Variants in KIF26B observed in about 807,000 individuals in gnomAD.
KIF26B encodes the protein kinesin-like protein KIF26B.
A neutral mutation model predicts 151.2 loss-of-function variants in KIF26B; 63 were observed. The ratio of observed to expected loss-of-function variants is 0.42; its 90% CI spans 0.34 to 0.51. The LOEUF (loss-of-function observed/expected upper bound fraction) is 0.51. Among genes scored for constraint, KIF26B ranks in the 20% least tolerant of loss-of-function variants. KIF26B has a pLI of 0.07. For synonymous variants in KIF26B, 1,357 were observed against 1,262.1 expected (o/e 1.08, Z -1.59); for missense variants, 2,813 against 2,913.6 (o/e 0.97, Z 0.79).
chr1:245,693,695 A>C (rs1334887487), intron 12 of KIF26B, among the ~76,000 whole-genome samples: 1 of 152,178 alleles, frequency 6.6e-6, no homozygotes, highest in African/African-American at 2.4e-5. Flanking sequence ...AGGGCGCTGC[A>C]CAAAAACTTG....
At chr1:245,482,589 C>T (rs1660191099) in intron 4 of KIF26B, among the ~76,000 whole-genome samples, 1 of 151,730 alleles carries the variant, frequency 6.6e-6, no homozygotes, top group Non-Finnish European at 1.5e-5. Flanking sequence ...TGATATGTTC[C>T]ATCTGCCTGA....
chr1:245,520,591 TCCATCCATCCAC>T lies in KIF26B; in HGVS notation c.1167-20172_1167-20161del, dbSNP rs1395511932. Reference sequence around the variant, plus strand: ...ATTCATCCATCCATCCATCCATCCATCCATCCATCCACCCACCCACCCATCCATCCATCCATC... The same window carrying T: ...ATTCATCCATCCATCCATCCATCCATCCACCCACCCATCCATCCATCCATC... On this transcript the variant is annotated intron_variant, in intron 4 of 14. Transcript: ENST00000407071. 7.3e-3 allele frequency among the ~76,000 whole-genome samples: 526 copies of T among 72,058 alleles called. 3 individuals carry two copies. The highest frequency in any genetic ancestry group is 0.015 in the African/African-American group (409 of 27,576). 47.3% of individuals were successfully genotyped at this position (72,058 alleles called of 152,430 possible). A position where few individuals can be genotyped will look rare whatever the true frequency, so the allele number is the denominator to read the frequency against.
rs116545465 is a variant in KIF26B, at chr1:245,417,112, G to A, written c.1000-2467G>A. Among the ~76,000 whole-genome samples, 712 of 151,324 alleles carry A rather than the reference G, an allele frequency of 4.7e-3. 6 individuals carry two copies. The highest frequency in any genetic ancestry group is 0.016 in the African/African-American group (678 of 41,344). On this transcript the variant is annotated intron_variant, in intron 3 of 14. Coordinates refer to ENST00000407071, the MANE Select transcript of KIF26B (RefSeq NM_018012.4). ...ATGACACTGGCTGTGTCTGAAAAAT[G>A]GAGCAGGAAAGGCAGCGTGACTAGG...
At chr1:245,675,235 G>A (rs149926560) in intron 10 of KIF26B, among the ~76,000 whole-genome samples, 4 of 152,298 alleles carry the variant, frequency 2.6e-5, no homozygotes, top group African/African-American at 4.8e-5. Flanking sequence ...GCTCACCTGA[G>A]CCTTGTATCC....
rs543685547 is a variant in KIF26B, at chr1:245,532,291, G to C, written c.1167-8476G>C. Among the ~76,000 whole-genome samples the C allele has an allele frequency of 1.6e-3, 232 of 144,152 alleles. 1 individual carries two copies. Among genetic ancestry groups the C allele is most frequent in the Non-Finnish European group, 3.0e-3 (202 of 66,544 alleles). The allele number at this position is 144,152 out of a possible 152,430, so 94.6% of individuals were successfully genotyped here. On this transcript the variant is annotated intron_variant, in intron 4 of 14. Transcript: ENST00000407071. The stretch of plus-strand genomic sequence containing the variant: ...GACAGAGTCTTGCTCTGTCGCCCAG[G>C]CTGGAGTGCAGTGGCGCGATCTCGG...
At chr1:245,519,153 G>A (rs928137156) in intron 4 of KIF26B, among the ~76,000 whole-genome samples, 38 of 152,172 alleles carry the variant, frequency 2.5e-4, no homozygotes, top group African/African-American at 8.7e-4. Flanking sequence ...GGATGACTGT[G>A]TCCTGTAATA....
chr1:245,234,170 C>G (rs145993864), intron 2 of KIF26B, among the ~76,000 whole-genome samples: 1 of 150,954 alleles, frequency 6.6e-6, no homozygotes, highest in African/African-American at 2.4e-5. Flanking sequence ...GCCTTTAGAA[C>G]GAGACTCCCT....
At chr1:245,443,203 T>TGTCATCTCCCTCACTGTTCACCTACAGCG (rs1558167665) in intron 4 of KIF26B, among the ~76,000 whole-genome samples, 1 of 137,872 alleles carries the variant, frequency 7.3e-6, no homozygotes, top group East Asian at 2.2e-4. Flanking sequence ...CACCTAGAGC[T>TGTCATCTCCCTCACTGTTCACCTACAGCG]GTCATCTCCC....
chr1:245,363,967 G>A (rs998218255), intron 2 of KIF26B, among the ~76,000 whole-genome samples: 8 of 152,148 alleles, frequency 5.3e-5, no homozygotes, highest in East Asian at 3.9e-4. Context: ...TGTGAACCCC[G>A]GCGGAGCACT....
intron 14 of KIF26B, among the ~76,000 whole-genome samples, chr1:245,700,372 A>G (rs987922669): frequency 2.6e-5 from 4 of 152,122 alleles, no homozygotes; most frequent in Non-Finnish European, 4.4e-5. Context: ...AGTAATTATT[A>G]CTATTATCCC....
chr1:245,398,021 G>A (rs1558150424), intron 3 of KIF26B, among the ~76,000 whole-genome samples: 1 of 152,190 alleles, frequency 6.6e-6, no homozygotes, highest in Non-Finnish European at 1.5e-5. Context: ...GGGATGTGTT[G>A]CCTTGTGAAG....
intron 2 of KIF26B, among the ~76,000 whole-genome samples, chr1:245,303,400 G>A (rs1038571072): frequency 2.2e-4 from 33 of 151,380 alleles, no homozygotes; most frequent in Admixed American, 4.6e-4. Context: ...GGGTTTCACC[G>A]TGTTAGCCAG....
intron 4 of KIF26B, among the ~76,000 whole-genome samples, chr1:245,461,404 C>G (rs1290275943): frequency 1.3e-5 from 2 of 152,024 alleles, no homozygotes; most frequent in Non-Finnish European, 2.9e-5. Flanking sequence ...ACCTCAGCCT[C>G]CCAGGTAGCT....
At chr1:245,255,327 C>T (rs145727725) in intron 2 of KIF26B, among the ~76,000 whole-genome samples, 1 of 152,336 alleles carries the variant, frequency 6.6e-6, no homozygotes, top group Non-Finnish European at 1.5e-5. Flanking sequence ...CATCTCTCCA[C>T]CGGCCAAAAT....
chr1:245,260,160 T>C (rs1670607315), intron 2 of KIF26B, among the ~76,000 whole-genome samples: 1 of 152,098 alleles, frequency 6.6e-6, no homozygotes, highest in Admixed American at 6.6e-5. Flanking sequence ...GGTGAGAAGC[T>C]GGACTCTCTC....
chr1:245,203,728 C>T (rs377372158), intron 2 of KIF26B, among the ~76,000 whole-genome samples: 2 of 151,240 alleles, frequency 1.3e-5, no homozygotes, highest in South Asian at 2.1e-4. Context: ...CGCATGAAAG[C>T]GCTTTTCCCT....
In KIF26B at chr1:245,583,782, G is replaced by A. The variant is rs569334104; in HGVS notation, c.1351-18795G>A. Among the ~76,000 whole-genome samples, 15 of 152,254 alleles carry A rather than the reference G, an allele frequency of 9.9e-5. No individual in the cohort carries two copies. In the East Asian group the frequency reaches 2.1e-3, roughly 22 times the overall value. ...AACAGCTGGAAGGTGGCCAGTGTTC[G>A]CTTACCCAACGAAGCATGACTTTGC... On this transcript the variant is annotated intron_variant, in intron 5 of 14. Coordinates refer to ENST00000407071, the MANE Select transcript of KIF26B (RefSeq NM_018012.4).
chr1:245,350,037 G>GTATA (rs572210450), intron 2 of KIF26B, among the ~76,000 whole-genome samples: 17 of 150,066 alleles, frequency 1.1e-4, no homozygotes, highest in African/African-American at 4.2e-4. Context: ...AGTGCAGAGA[G>GTATA]TATATATATA....
At chr1:245,457,604 C>T (rs1207795468) in intron 4 of KIF26B, among the ~76,000 whole-genome samples, 1 of 152,284 alleles carries the variant, frequency 6.6e-6, no homozygotes, top group Admixed American at 6.5e-5. Context: ...TCATCTATAA[C>T]ACAGGTGGCT....
Sources: allele counts gnomAD v4.1 joint callset (sites outside exome capture counted in the v4.1 genomes callset), GRCh38; gene constraint gnomAD v4.1.1; transcripts MANE v1.5; gene names NCBI Gene and HGNC (gene_info 2026-07-23, HGNC 2026-07-21).